TENM4: variants seen among roughly 807,000 people sequenced by gnomAD.
TENM4 encodes the protein teneurin transmembrane protein 4.
A neutral mutation model predicts 243.3 loss-of-function variants in TENM4; 82 were observed. That is an observed-to-expected ratio of 0.34 (90% confidence interval 0.28 to 0.40). TENM4 has a LOEUF of 0.40. Among genes scored for constraint, TENM4 ranks in the 10% least tolerant of loss-of-function variants. TENM4 has a pLI of 1.00. For synonymous variants in TENM4, 1,412 were observed against 1,456.3 expected (o/e 0.97, Z 0.69); for missense variants, 3,138 against 3,673.3 (o/e 0.85, Z 3.77).
intron 6 of TENM4, among the ~76,000 whole-genome samples, chr11:78,967,066 T>C (rs118164665): frequency 0.019 from 2,896 of 152,240 alleles, 72 homozygotes; most frequent in African/African-American, 0.058. Context: ...ATATGTCTCT[T>C]AGCTTCCACT....
intron 2 of TENM4, among the ~76,000 whole-genome samples, chr11:79,257,280 C>T (rs1166242986): frequency 6.6e-6 from 1 of 152,126 alleles, no homozygotes; most frequent in African/African-American, 2.4e-5. Flanking sequence ...TGTTATGCCA[C>T]TTCTTAAAGA....
chr11:78,869,055 G>C (rs988017210), intron 9 of TENM4, among the ~76,000 whole-genome samples: 3 of 152,018 alleles, frequency 2.0e-5, no homozygotes, highest in African/African-American at 7.3e-5. Flanking sequence ...TATCTTCCTG[G>C]TTTTGCTACA....
chr11:79,151,157 C>G (rs145916820), intron 3 of TENM4, among the ~76,000 whole-genome samples: 16 of 152,282 alleles, frequency 1.1e-4, no homozygotes, highest in Admixed American at 3.3e-4. Context: ...CATTTTGCTT[C>G]CCTCTGAAGG....
chr11:79,252,281 C>A (rs1454204465), intron 2 of TENM4, among the ~76,000 whole-genome samples: 1 of 152,246 alleles, frequency 6.6e-6, no homozygotes, highest in Admixed American at 6.5e-5. Context: ...GTCGCCCAGG[C>A]TGGAGTGCAG....
At chr11:79,055,283 C>G (rs1242488742) in intron 6 of TENM4, among the ~76,000 whole-genome samples, 1 of 151,996 alleles carries the variant, frequency 6.6e-6, no homozygotes, top group East Asian at 1.9e-4. Flanking sequence ...ACTCTGTTGT[C>G]TAGGCTGGTG....
At chr11:78,866,315 T>G (rs1298220408) in intron 9 of TENM4, among the ~76,000 whole-genome samples, 2 of 152,196 alleles carry the variant, frequency 1.3e-5, no homozygotes, top group African/African-American at 4.8e-5. Flanking sequence ...CTCATCTAAG[T>G]GTGCAACAGT....
At chr11:78,676,935 T>A (rs766031410) in intron 29 of TENM4, among the ~76,000 whole-genome samples, 3 of 152,112 alleles carry the variant, frequency 2.0e-5, no homozygotes, top group Non-Finnish European at 2.9e-5. Context: ...ATGTCCAGAA[T>A]AGGCAAGAAT....
At chr11:79,339,717 A>G (rs1470678674) in intron 1 of TENM4, among the ~76,000 whole-genome samples, 1 of 144,728 alleles carries the variant, frequency 6.9e-6, no homozygotes, top group Non-Finnish European at 1.5e-5. Flanking sequence ...AAGGAGCAAG[A>G]GAGGGAAAAA....
Position 78,729,654 on chromosome 11 carries a change from G to A in TENM4, c.3139-11C>T. Reference sequence around the variant, plus strand: ...TTCCTCCTGCAAAGCCTAGAAAGCAGAGGCAGATCACAGCAAGGGACGGTC... The same window carrying A: ...TTCCTCCTGCAAAGCCTAGAAAGCAAAGGCAGATCACAGCAAGGGACGGTC... On this transcript the variant is annotated splice_polypyrimidine_tract_variant and intron_variant, in intron 21 of 33. Transcript: ENST00000278550. The A allele has an allele frequency of 6.2e-7, 1 of 1,600,788 alleles. No homozygotes were observed. The highest frequency in any genetic ancestry group is 8.5e-7 in the Non-Finnish European group (1 of 1,172,170).
intron 1 of TENM4, among the ~76,000 whole-genome samples, chr11:79,306,641 C>A (rs971312139): frequency 6.6e-6 from 1 of 152,138 alleles, no homozygotes; most frequent in Non-Finnish European, 1.5e-5. Context: ...ACCAACTATG[C>A]CCCTGGTAGT....
At chr11:78,732,761 G>GTT (rs552726856) in intron 20 of TENM4, among the ~76,000 whole-genome samples, 184 bp from the exon 21 acceptor site, 1 of 151,700 alleles carries the variant, frequency 6.6e-6, no homozygotes, top group Non-Finnish European at 1.5e-5. Flanking sequence ...TTAGAAAGCA[G>GTT]TTTTTTTTTA....
intron 6 of TENM4, among the ~76,000 whole-genome samples, chr11:78,966,893 C>A (rs747186792): frequency 2.0e-5 from 3 of 152,092 alleles, no homozygotes; most frequent in Admixed American, 6.5e-5. Context: ...CTCTCTTTTG[C>A]CAAGTTTGCA....
At chr11:78,902,200 T>C (rs1013444021) in intron 7 of TENM4, among the ~76,000 whole-genome samples, 2 of 152,232 alleles carry the variant, frequency 1.3e-5, no homozygotes, top group Non-Finnish European at 1.5e-5. Context: ...GGAAAGGCTA[T>C]GCTCCCAAAG....
At chr11:78,798,268 T>C (rs1483783119) in intron 15 of TENM4, among the ~76,000 whole-genome samples, 1 of 152,270 alleles carries the variant, frequency 6.6e-6, no homozygotes, top group African/African-American at 2.4e-5. Flanking sequence ...CTTATTTTTG[T>C]TAAAGCATTG....
At chr11:79,192,482 T>C (rs1470233600) in intron 3 of TENM4, among the ~76,000 whole-genome samples, 1 of 152,274 alleles carries the variant, frequency 6.6e-6, no homozygotes, top group South Asian at 2.1e-4. Context: ...AACCCTGTGC[T>C]CTCTGAAACA....
At chr11:79,289,176 T>C (rs927326421) in intron 2 of TENM4, among the ~76,000 whole-genome samples, 6 of 152,196 alleles carry the variant, frequency 3.9e-5, no homozygotes, top group African/African-American at 1.4e-4. Flanking sequence ...AAATTCCAGA[T>C]GATTGATAAT....
intron 2 of TENM4, among the ~76,000 whole-genome samples, chr11:79,265,117 C>A (rs1298155161): frequency 1.3e-5 from 2 of 152,178 alleles, no homozygotes. Flanking sequence ...CAGTTTGAGA[C>A]CCCGGACAAA....
chr11:79,409,070 G>C (rs998639056), intron 1 of TENM4, among the ~76,000 whole-genome samples: 6 of 92,452 alleles, frequency 6.5e-5, no homozygotes, highest in Admixed American at 2.0e-4. Flanking sequence ...TTGTGTGTGT[G>C]TGTGTGTGTG....
chr11:79,336,241 T>A (rs1324542418), intron 1 of TENM4, among the ~76,000 whole-genome samples: 1 of 152,162 alleles, frequency 6.6e-6, no homozygotes, highest in African/African-American at 2.4e-5. Flanking sequence ...AATCATGTAG[T>A]CAGGGCATCC....
Sources: gnomAD v4.1 joint callset for allele counts (sites outside exome capture counted in the v4.1 genomes callset) on GRCh38, gnomAD v4.1.1 for gene constraint, MANE v1.5 for transcripts, NCBI Gene and HGNC (gene_info 2026-07-23, HGNC 2026-07-21) for gene names.